TDRD5: variants seen among roughly 807,000 people sequenced by gnomAD.
TDRD5 encodes the protein tudor domain containing 5, also known as tudor domain-containing protein 5.
A neutral mutation model predicts 120.6 loss-of-function variants in TDRD5; 41 were observed. The ratio of observed to expected loss-of-function variants is 0.34; its 90% CI spans 0.26 to 0.44. TDRD5 has a LOEUF of 0.44. Ranked by LOEUF, TDRD5 falls within the 20% of genes least tolerant of loss-of-function variation. The pLI is 1.00. For synonymous variants in TDRD5, 430 were observed against 433.7 expected (o/e 0.99, Z 0.11); for missense variants, 1,006 against 1,221.2 (o/e 0.82, Z 2.63).
chr1:179,615,260 G>A (rs947057820), intron 4 of TDRD5, among the ~76,000 whole-genome samples: 1 of 152,120 alleles, frequency 6.6e-6, no homozygotes, highest in African/African-American at 2.4e-5. Flanking sequence ...ACGGTGTACA[G>A]CACATAGTAT....
rs1178420115 is a variant in TDRD5 at position 179,648,428 on chromosome 1, C to T, written c.1801-2439C>T. ...CACATGGACACAGGAAGGGGAACAT[C>T]ACACTCTGGGGACTGTTGTGGGGTG... On this transcript the variant is annotated intron_variant, in intron 11 of 17. Coordinates refer to ENST00000444136, the MANE Select transcript of TDRD5 (RefSeq NM_001199085.3). 1.3e-3 allele frequency among the ~76,000 whole-genome samples: 119 copies of T among 94,346 alleles called. 1 individual carries two copies. Among genetic ancestry groups the T allele is most frequent in the African/African-American group, 4.2e-3 (108 of 25,576 alleles). 61.9% of individuals were successfully genotyped at this position (94,346 alleles called of 152,430 possible). A position where few individuals can be genotyped will look rare whatever the true frequency, so the allele number is the denominator to read the frequency against.
rs568947558 is a variant in TDRD5, at chr1:179,621,209, T to A, written c.972+118T>A. On this transcript the variant is annotated intron_variant, in intron 6 of 17. Transcript: ENST00000444136. ...GTCTATGCTCTAAAACGGAAACATT[T>A]TGTTTTGCATTTTAGTATATTATAA... is the stretch of plus-strand genomic sequence containing the variant. The A allele has an allele frequency of 1.4e-5, 11 of 797,554 alleles. No individual in the cohort carries two copies. In the East Asian group the frequency reaches 2.9e-4, roughly 21 times the overall value. The allele number at this position is 797,554 out of a possible 1,614,324, so 49.4% of individuals were successfully genotyped here. A position where few individuals can be genotyped will look rare whatever the true frequency, so the allele number is the denominator to read the frequency against.
In TDRD5 at chr1:179,633,078, C is replaced by G. The variant is rs545980676; in HGVS notation, c.1127-1379C>G. Among the ~76,000 whole-genome samples, 31 of 152,276 alleles carry G rather than the reference C, an allele frequency of 2.0e-4. No individual in the cohort carries two copies. The South Asian group carries it at 3.1e-3, about 15-fold the overall frequency. ...TATCACTTTCATACCATAAGAAAGTCAAACCACTGTGGACATCTGTATTAT... is the reference window on the plus strand; with the variant it reads ...TATCACTTTCATACCATAAGAAAGTGAAACCACTGTGGACATCTGTATTAT... On this transcript the variant is annotated intron_variant, in intron 7 of 17. Transcript: ENST00000444136.
intron 11 of TDRD5, among the ~76,000 whole-genome samples, chr1:179,643,513 T>A (rs1400517690): frequency 6.6e-6 from 1 of 152,186 alleles, no homozygotes; most frequent in Non-Finnish European, 1.5e-5. Context: ...AGAAAGAAAC[T>A]ATTTAAAATA....
At chr1:179,630,997 C>A in intron 7 of TDRD5, 77 bp downstream of exon 7, 1 of 1,361,758 alleles carries the variant, frequency 7.3e-7, no homozygotes, top group Non-Finnish European at 1.0e-6. Context: ...TGAAATAATG[C>A]CTAGCCATGA....
chr1:179,613,753 G>C (rs1676409476), intron 4 of TDRD5, among the ~76,000 whole-genome samples: 1 of 152,130 alleles, frequency 6.6e-6, no homozygotes, highest in South Asian at 2.1e-4. Flanking sequence ...GCTCCCAAAG[G>C]CTCCACCTCC....
At chr1:179,652,012 C>T in intron 12 of TDRD5, 27 bp from the exon 13 acceptor site, 1 of 1,606,178 alleles carries the variant, frequency 6.2e-7, no homozygotes, top group Non-Finnish European at 8.5e-7. Context: ...GTAAATTAAA[C>T]CATCCCTTTT....
intron 6 of TDRD5, 60 bp from the exon 7 acceptor site, chr1:179,630,707 T>A: frequency 1.8e-5 from 28 of 1,550,498 alleles, no homozygotes; most frequent in Non-Finnish European, 2.5e-5. Flanking sequence ...AGGACAACTA[T>A]ATATGTTATA....
intron 17 of TDRD5, among the ~76,000 whole-genome samples, chr1:179,688,632 C>A (rs576067767): frequency 6.6e-5 from 10 of 152,296 alleles, no homozygotes; most frequent in South Asian, 2.1e-4. Flanking sequence ...TAATATCCTG[C>A]AGAGTGTTTT....
intron 4 of TDRD5, among the ~76,000 whole-genome samples, chr1:179,604,102 A>G (rs1675851352): frequency 6.6e-6 from 1 of 152,016 alleles, no homozygotes; most frequent in African/African-American, 2.4e-5. Context: ...GACTTAAGCT[A>G]GGCAGGTTGT....
chr1:179,631,998 G>A lies in TDRD5; in HGVS notation c.1126+1078G>A, dbSNP rs1677482680. On this transcript the variant is annotated intron_variant, in intron 7 of 17. Coordinates refer to ENST00000444136, the MANE Select transcript of TDRD5 (RefSeq NM_001199085.3). ...CTTGGCTCACTGCAACCTCCGCCTC[G>A]CGGGTTCATGCCATTCTCCTGCCTC... is the stretch of plus-strand genomic sequence containing the variant. 3.3e-5 allele frequency among the ~76,000 whole-genome samples: 5 copies of A among 150,642 alleles called. No homozygotes were observed. In the South Asian group the frequency reaches 6.3e-4, roughly 19 times the overall value.
At position 179,634,569 on chromosome 1, in the gene TDRD5, A is replaced by C. The variant is rs759058451; in HGVS notation, c.1239A>C (p.Gln413His). 1 of 1,613,660 alleles carries C rather than the reference A, an allele frequency of 6.2e-7. No homozygotes were observed. The change falls in exon 8 of 18, where the codon CAA becomes CAC. Residue 413 changes from glutamine to histidine, a missense_variant. Physicochemically the swap from Gln to His is conservative, Grantham distance 24. This residue lies in a region of TDRD5 where 445 missense variants were observed against 515.5 expected (regional missense o/e 0.86). Coordinates refer to ENST00000444136, the MANE Select transcript of TDRD5 (RefSeq NM_001199085.3). ...ETVWNCPSKKQKEPQQKICKK... is the reference protein window; with the variant it reads ...ETVWNCPSKKHKEPQQKICKK... ...TATGGAATTGCCCTTCAAAAAAACAAAAAGAGCCACAACAGAAGATTTGCA... is the reference window on the plus strand; with the variant it reads ...TATGGAATTGCCCTTCAAAAAAACACAAAGAGCCACAACAGAAGATTTGCA...
At chr1:179,672,708 C>G (rs1014033885) in intron 17 of TDRD5, among the ~76,000 whole-genome samples, 9 of 152,112 alleles carry the variant, frequency 5.9e-5, no homozygotes, top group African/African-American at 1.4e-4. Context: ...ATGTTATACT[C>G]TAGAATTTTT....
chr1:179,659,924 G>A (rs1423511826), intron 14 of TDRD5, among the ~76,000 whole-genome samples: 2 of 151,924 alleles, frequency 1.3e-5, no homozygotes, highest in Non-Finnish European at 1.5e-5. Context: ...TTGAACTCCC[G>A]ACCTCAGATG....
intron 17 of TDRD5, among the ~76,000 whole-genome samples, chr1:179,678,934 A>G (rs542007110): frequency 6.6e-6 from 1 of 151,856 alleles, no homozygotes; most frequent in South Asian, 2.1e-4. Flanking sequence ...ACATCCTTGC[A>G]TTGTTGTTGA....
chr1:179,603,218 A>C lies in TDRD5; in HGVS notation c.831+7400A>C, dbSNP rs144774533. ...ATAGAAGGGCTACTGATTTGTGTAC[A>C]TTAATCTTGTATCTGGAAACTTTGC... On this transcript the variant is annotated intron_variant, in intron 4 of 17. Coordinates refer to ENST00000444136, the MANE Select transcript of TDRD5 (RefSeq NM_001199085.3). 9.0e-3 allele frequency among the ~76,000 whole-genome samples: 1,371 copies of C among 152,254 alleles called. 45 individuals carry two copies. Among genetic ancestry groups the C allele is most frequent in the East Asian group, 0.061 (315 of 5,192 alleles).
At position 179,639,996 on chromosome 1, in the gene TDRD5, T is replaced by C; in HGVS notation, c.1678T>C (p.Tyr560His). Reference protein sequence around the residue: ...VLEKQEVEVFYPDFGNIGIVQ... With the variant: ...VLEKQEVEVFHPDFGNIGIVQ... Reference sequence around the variant, plus strand: ...TGAGAAACAGGAAGTTGAAGTGTTCTACCCAGACTTTGGAAATATTGGAAT... The same window carrying C: ...TGAGAAACAGGAAGTTGAAGTGTTCCACCCAGACTTTGGAAATATTGGAAT... The change falls in exon 10 of 18, where the codon TAC becomes CAC. Residue 560 changes from tyrosine to histidine, a missense_variant. Around this residue, in one of 3 missense-constraint regions of TDRD5, gnomAD observed 158 missense variants for 257.5 expected, o/e 0.61. Coordinates refer to ENST00000444136, the MANE Select transcript of TDRD5 (RefSeq NM_001199085.3). 1 of 1,614,188 alleles carries C rather than the reference T, an allele frequency of 6.2e-7. No individual in the cohort carries two copies. Among genetic ancestry groups the C allele is most frequent in the Admixed American group, 1.7e-5 (1 of 60,030 alleles).
At chr1:179,628,734 T>G (rs186186988) in intron 6 of TDRD5, among the ~76,000 whole-genome samples, 54 of 152,298 alleles carry the variant, frequency 3.5e-4, no homozygotes, top group African/African-American at 6.7e-4. Flanking sequence ...AGTCTCAGGA[T>G]CAGCTAGCAA....
rs71569261 is a variant in TDRD5, at chr1:179,645,076, CTTTTTTTTTTT to C, written c.1800+4648_1800+4658del. ...AGTTTCTCAGTTTATAAACATTTTT[CTTTTTTTTTTT>C]TTTTTTTTTTTTTTTTGAGACGGAG... On this transcript the variant is annotated intron_variant, in intron 11 of 17. Transcript: ENST00000444136. Among the ~76,000 whole-genome samples the C allele has an allele frequency of 9.0e-5, 9 of 99,594 alleles. No homozygotes were observed. The East Asian group carries it at 1.4e-3, about 16-fold the overall frequency. The allele number at this position is 99,594 out of a possible 152,430, so 65.3% of individuals were successfully genotyped here.
Sources: gnomAD v4.1 joint callset for allele counts (sites outside exome capture counted in the v4.1 genomes callset) on GRCh38, gnomAD v4.1.1 for gene constraint, gnomAD v4.1.1 regional missense constraint, MANE v1.5 for transcripts, NCBI Gene and HGNC (gene_info 2026-07-23, HGNC 2026-07-21) for gene names.